Variants in POT1 observed in about 807,000 individuals in gnomAD.
POT1 encodes the protein protection of telomeres 1.
A neutral mutation model predicts 78.5 loss-of-function variants in POT1; 47 were observed. The ratio of observed to expected loss-of-function variants is 0.60; its 90% CI spans 0.47 to 0.76. POT1 has a LOEUF of 0.76. Among genes scored for constraint, POT1 ranks in the 30% least tolerant of loss-of-function variants. The pLI is 0.00. For missense variants in POT1, 646 were observed against 749.9 expected (o/e 0.86, Z 1.62); for synonymous variants, 259 against 260.7 (o/e 0.99, Z 0.06).
intron 16 of POT1, 59 bp from the exon 17 acceptor site, chr7:124,827,364 A>G: frequency 3.0e-6 from 3 of 1,011,066 alleles, no homozygotes; most frequent in Non-Finnish European, 4.4e-6. Context: ...TATCAAGGTA[A>G]AGTTAAAATT....
At chr7:124,841,371 T>C (rs774405533) in intron 13 of POT1, among the ~76,000 whole-genome samples, 193 bp from the exon 14 acceptor site, 9 of 151,978 alleles carry the variant, frequency 5.9e-5, no homozygotes, top group Non-Finnish European at 1.3e-4. Context: ...GATAATTATT[T>C]GATATTTTGT....
intron 2 of POT1, among the ~76,000 whole-genome samples, chr7:124,917,389 G>A (rs183926825): frequency 7.5e-4 from 114 of 152,216 alleles, no homozygotes; most frequent in Admixed American, 2.2e-3. Flanking sequence ...AAGTAACTCT[G>A]AGGAATATGA....
At chr7:124,845,183 A>G (rs1183179642) in intron 12 of POT1, among the ~76,000 whole-genome samples, 1 of 152,238 alleles carries the variant, frequency 6.6e-6, no homozygotes, top group African/African-American at 2.4e-5. Flanking sequence ...TCAAATTTCT[A>G]CAATTGTCCT....
intron 2 of POT1, among the ~76,000 whole-genome samples, chr7:124,917,083 T>G (rs1333994415): frequency 6.6e-6 from 1 of 152,024 alleles, no homozygotes; most frequent in African/African-American, 2.4e-5. Context: ...AACGGGTACA[T>G]AGGTGTAAGG....
chr7:124,867,287 C>T (rs1367650121), intron 7 of POT1, among the ~76,000 whole-genome samples: 9 of 2,266 alleles, frequency 4.0e-3, no homozygotes, highest in African/African-American at 4.6e-3. Context: ...AACAACCCAT[C>T]TGTTATCCAC....
chr7:124,843,225 A>C (rs1795074202), intron 12 of POT1: 1 of 255,686 alleles, frequency 3.9e-6, no homozygotes, highest in Admixed American at 5.4e-5. Context: ...TTAACTGCCT[A>C]GTAAGCATTC....
intron 2 of POT1, among the ~76,000 whole-genome samples, chr7:124,918,931 A>C (rs1797081228): frequency 6.6e-6 from 1 of 152,048 alleles, no homozygotes. Flanking sequence ...CATCACTCTG[A>C]ATGGGGAGGA....
chr7:124,902,378 T>G (rs1321838659), intron 3 of POT1, among the ~76,000 whole-genome samples: 1 of 152,100 alleles, frequency 6.6e-6, no homozygotes, highest in Non-Finnish European at 1.5e-5. Context: ...TATTCAACAT[T>G]CTTAAAAAAA....
rs1193038284 is a variant in POT1 at position 124,845,252 on chromosome 7, T to C, written c.1006+1690A>G. ...AAGTCTAAGATCCAATTCTGGACCA[T>C]GTATCACATTTAATTCTCATGTCTC... On this transcript the variant is annotated intron_variant, in intron 12 of 18. Transcript: ENST00000357628. 2.6e-5 allele frequency among the ~76,000 whole-genome samples: 4 copies of C among 152,350 alleles called. No homozygotes were observed. The East Asian group carries it at 5.8e-4, about 22-fold the overall frequency.
At chr7:124,926,602 AATC>A (rs1721080371) in intron 2 of POT1, among the ~76,000 whole-genome samples, 1 of 152,200 alleles carries the variant, frequency 6.6e-6, no homozygotes. Context: ...AAGGAAAAGA[AATC>A]ATTAAATAAA....
intron 9 of POT1, 28 bp from the exon 10 acceptor site, chr7:124,853,166 A>G: frequency 6.7e-7 from 1 of 1,489,822 alleles, no homozygotes; most frequent in Non-Finnish European, 9.2e-7. Context: ...TGTTATTTAG[A>G]AAGTGGGGAA....
intron 6 of POT1, among the ~76,000 whole-genome samples, chr7:124,871,420 T>C (rs1320542837): frequency 6.6e-6 from 1 of 152,052 alleles, no homozygotes; most frequent in Non-Finnish European, 1.5e-5. Context: ...AAGGCTAAGA[T>C]ATTTACAGCA....
intron 2 of POT1, among the ~76,000 whole-genome samples, chr7:124,921,208 T>C (rs1251810285): frequency 6.6e-6 from 1 of 152,142 alleles, no homozygotes; most frequent in African/African-American, 2.4e-5. Flanking sequence ...AACATTTCTA[T>C]ATCAAGCACA....
At position 124,874,596 on chromosome 7, in the gene POT1, G is replaced by C. The variant is rs368806282; in HGVS notation, c.125-3555C>G. ...AAAAATGACAAAAATTAGCTGGGTG[G>C]TAGTGGTGCTCTCCTGTAATCCCAG... On this transcript the variant is annotated intron_variant, in intron 6 of 18. Coordinates refer to ENST00000357628, the MANE Select transcript of POT1 (RefSeq NM_015450.3). Among the ~76,000 whole-genome samples the C allele has an allele frequency of 2.7e-4, 41 of 152,034 alleles. 1 individual carries two copies. Among genetic ancestry groups the C allele is most frequent in the African/African-American group, 9.2e-4 (38 of 41,500 alleles).
At chr7:124,850,590 G>A (rs1562986378) in intron 11 of POT1, among the ~76,000 whole-genome samples, 1 of 151,994 alleles carries the variant, frequency 6.6e-6, no homozygotes, top group Non-Finnish European at 1.5e-5. Flanking sequence ...AAATTAGCCG[G>A]GTGTGGTGGC....
At chr7:124,873,050 G>A (rs148255327) in intron 6 of POT1, among the ~76,000 whole-genome samples, 14 of 152,186 alleles carry the variant, frequency 9.2e-5, no homozygotes, top group African/African-American at 3.1e-4. Context: ...ATCTAGTTGA[G>A]TTCCTCATAT....
intron 14 of POT1, among the ~76,000 whole-genome samples, chr7:124,838,830 C>T (rs1372862787): frequency 6.6e-6 from 1 of 152,078 alleles, no homozygotes; most frequent in Non-Finnish European, 1.5e-5. Flanking sequence ...GTCTCGAACT[C>T]CCGACCTCAG....
At chr7:124,918,801 C>T (rs1250863678) in intron 2 of POT1, among the ~76,000 whole-genome samples, 2 of 152,088 alleles carry the variant, frequency 1.3e-5, no homozygotes, top group Admixed American at 6.6e-5. Context: ...CTCCCTCTCT[C>T]GGGAGGGGTA....
Position 124,835,381 on chromosome 7 carries a change from T to C in POT1, c.1403A>G (p.Asn468Ser). The change falls in exon 15 of 19, where the codon AAC becomes AGC. Residue 468 changes from asparagine (N) to serine (S), a missense_variant. By Grantham distance (46) the Asn-to-Ser change is conservative. Around this residue, in one of 2 missense-constraint regions of POT1, gnomAD observed 394 missense variants for 408.4 expected, o/e 0.96. Transcript: ENST00000357628. ...CACAGGAATTACACTATTAAACTTGTTCGAGAGTTTGCAAATTTCACTGAG... is the reference window on the plus strand; with the variant it reads ...CACAGGAATTACACTATTAAACTTGCTCGAGAGTTTGCAAATTTCACTGAG... ...GTLSEICKLS[N>S]KFNSVIPVRS... is the part of the protein sequence containing the mutation. The C allele has an allele frequency of 6.2e-7, 1 of 1,613,774 alleles. No homozygotes were observed. Among genetic ancestry groups the C allele is most frequent in the Non-Finnish European group, 8.5e-7 (1 of 1,179,672 alleles).
Sources: allele counts gnomAD v4.1 joint callset (sites outside exome capture counted in the v4.1 genomes callset), GRCh38; gene constraint gnomAD v4.1.1; regional missense constraint gnomAD v4.1.1; transcripts MANE v1.5; gene names NCBI Gene and HGNC (gene_info 2026-07-23, HGNC 2026-07-21).